The following PPHLN1 variants were observed in gnomAD, a reference collection of about 807,000 sequenced individuals.
PPHLN1 encodes the protein periphilin 1.
A neutral mutation model predicts 51.3 loss-of-function variants in PPHLN1; 29 were observed. The ratio of observed to expected loss-of-function variants is 0.57; its 90% CI spans 0.42 to 0.77. The LOEUF is 0.77. Ranked by LOEUF, PPHLN1 falls within the 30% of genes least tolerant of loss-of-function variation. The pLI is 0.00. For missense variants in PPHLN1, 436 were observed against 438.4 expected (o/e 0.99, Z 0.05); for synonymous variants, 147 against 147.8 (o/e 0.99, Z 0.04).
chr12:42,379,229 C>A (rs926472399), intron 5 of PPHLN1, among the ~76,000 whole-genome samples: 4 of 152,012 alleles, frequency 2.6e-5, no homozygotes, highest in African/African-American at 9.6e-5. Flanking sequence ...CAGTCTCCCA[C>A]ACCCATTTTT....
intron 9 of PPHLN1, among the ~76,000 whole-genome samples, chr12:42,415,016 A>G (rs1349475002): frequency 1.3e-5 from 2 of 152,192 alleles, no homozygotes; most frequent in Admixed American, 1.3e-4. Context: ...TCGTGGTAGC[A>G]GGTTCCCTTG....
At chr12:42,413,491 A>G (rs115717087) in intron 9 of PPHLN1, among the ~76,000 whole-genome samples, 1,944 of 150,298 alleles carry the variant, frequency 0.013, 40 homozygotes, top group African/African-American at 0.044. Flanking sequence ...ATTTTATACC[A>G]GTACCATGCT....
At chr12:42,329,294 A>G (rs1020753246) in intron 1 of PPHLN1, among the ~76,000 whole-genome samples, 1 of 151,694 alleles carries the variant, frequency 6.6e-6, no homozygotes, top group Admixed American at 6.6e-5. Context: ...TTTAGTAGAG[A>G]TGGGGTTTCA....
At chr12:42,437,601 TAC>T (rs1242567892) in intron 9 of PPHLN1, among the ~76,000 whole-genome samples, 1 of 152,216 alleles carries the variant, frequency 6.6e-6, no homozygotes, top group Non-Finnish European at 1.5e-5. Context: ...CCGTTCTCCC[TAC>T]ACAGTTTCCC....
At chr12:42,377,141 T>A (rs1001212299) in intron 5 of PPHLN1, among the ~76,000 whole-genome samples, 1 of 151,944 alleles carries the variant, frequency 6.6e-6, no homozygotes, top group East Asian at 1.9e-4. Context: ...TGTTACTGTT[T>A]GTGTCTTTTA....
intron 9 of PPHLN1, among the ~76,000 whole-genome samples, chr12:42,435,582 C>T (rs184225427): frequency 9.8e-5 from 15 of 152,308 alleles, no homozygotes; most frequent in Admixed American, 7.2e-4. Context: ...AATGTGTTAT[C>T]GCTTTTTTCC....
chr12:42,443,617 A>C (rs1593067128), downstream of PPHLN1: 1 of 152,244 alleles, frequency 6.6e-6, no homozygotes, highest in African/African-American at 2.4e-5. Context: ...CCAGTAAATT[A>C]GTTGAGCAAT....
chr12:42,438,312 C>T (rs773200713), intron 9 of PPHLN1, among the ~76,000 whole-genome samples: 1 of 152,088 alleles, frequency 6.6e-6, no homozygotes, highest in Non-Finnish European at 1.5e-5. Flanking sequence ...TTCTGTGGCT[C>T]TACATTTTTG....
chr12:42,433,032 G>A (rs1044529453), intron 9 of PPHLN1: 3 of 980,592 alleles, frequency 3.1e-6, no homozygotes, highest in Non-Finnish European at 5.0e-6. Context: ...ATATCCTCAG[G>A]AAAATCCACT....
In PPHLN1 at chr12:42,442,024, A is replaced by C; in HGVS notation, c.*515A>C. Reference sequence around the variant, plus strand: ...TAGAGCACTTAAATCTCTGAGAGATACCTCAGAAAAAAATCCGTTTTTCCA... The same window carrying C: ...TAGAGCACTTAAATCTCTGAGAGATCCCTCAGAAAAAAATCCGTTTTTCCA... On this transcript the variant is annotated 3_prime_UTR_variant, in exon 10 of 10. Coordinates refer to ENST00000358314, the MANE Select transcript of PPHLN1 (RefSeq NM_201439.2). 3 of 943,482 alleles carry C rather than the reference A, an allele frequency of 3.2e-6. No homozygotes were observed. The highest frequency in any genetic ancestry group is 3.8e-6 in the Non-Finnish European group (3 of 791,696). 58.4% of individuals were successfully genotyped at this position (943,482 alleles called of 1,614,324 possible). A position where few individuals can be genotyped will look rare whatever the true frequency, so the allele number is the denominator to read the frequency against.
intron 9 of PPHLN1, among the ~76,000 whole-genome samples, chr12:42,419,046 AAAAATAAAATTT>A (rs2080740080): frequency 6.6e-6 from 1 of 152,222 alleles, no homozygotes; most frequent in African/African-American, 2.4e-5. Flanking sequence ...TTTGTCAGTT[AAAAATAAAATTT>A]AAAATAAAAA....
At chr12:42,342,804 A>G (rs988467857) in intron 2 of PPHLN1, among the ~76,000 whole-genome samples, 5 of 152,258 alleles carry the variant, frequency 3.3e-5, no homozygotes, top group African/African-American at 1.2e-4. Context: ...CAAGAACAGC[A>G]ACACGTTATT....
intron 7 of PPHLN1, among the ~76,000 whole-genome samples, chr12:42,393,137 T>A (rs1592680255): frequency 6.6e-6 from 1 of 152,234 alleles, no homozygotes; most frequent in African/African-American, 2.4e-5. Flanking sequence ...TAACTCACTG[T>A]ACACTGTAAT....
intron 4 of PPHLN1, among the ~76,000 whole-genome samples, chr12:42,368,936 A>T (rs1258658624): frequency 1.3e-5 from 2 of 152,220 alleles, no homozygotes; most frequent in Non-Finnish European, 2.9e-5. Context: ...TTCTTCTTTA[A>T]TAAATTGTGC....
chr12:42,394,315 C>T (rs1565924395), intron 8 of PPHLN1, among the ~76,000 whole-genome samples: 1 of 152,038 alleles, frequency 6.6e-6, no homozygotes, highest in Non-Finnish European at 1.5e-5. Flanking sequence ...CACAATTAAG[C>T]TTTTAGATTC....
Position 42,408,329 on chromosome 12 carries a change from C to T in PPHLN1, c.909+9335C>T, listed in dbSNP as rs565808974. Among the ~76,000 whole-genome samples, 243 of 150,468 alleles carry T rather than the reference C, an allele frequency of 1.6e-3. 1 individual carries two copies. Among genetic ancestry groups the T allele is most frequent in the Non-Finnish European group, 2.7e-3 (182 of 67,798 alleles). ...TTTGAGACCAACCTGACCAACGTGG[C>T]AAAACCCTGTCTGTACTAAAAAAAT... On this transcript the variant is annotated intron_variant, in intron 9 of 9. Transcript: ENST00000358314.
At chr12:42,417,261 G>C (rs1484248511) in intron 9 of PPHLN1, among the ~76,000 whole-genome samples, 1 of 152,200 alleles carries the variant, frequency 6.6e-6, no homozygotes, top group Admixed American at 6.5e-5. Context: ...AGCAAGAGGG[G>C]CTATCAGTAG....
intron 9 of PPHLN1, among the ~76,000 whole-genome samples, chr12:42,401,256 C>T (rs1158063351): frequency 2.6e-5 from 4 of 152,020 alleles, no homozygotes; most frequent in Admixed American, 1.3e-4. Context: ...CAAAAACTTG[C>T]CATCTGTAGA....
At chr12:42,374,808 G>C (rs2076110568) in intron 4 of PPHLN1, 55 bp from the exon 5 acceptor site, 27 of 1,391,226 alleles carry the variant, frequency 1.9e-5, no homozygotes, top group Non-Finnish European at 2.6e-5. Flanking sequence ...CATTGTGCTT[G>C]TATATAGAGG....
Sources: allele counts gnomAD v4.1 joint callset (sites outside exome capture counted in the v4.1 genomes callset), GRCh38; gene constraint gnomAD v4.1.1; transcripts MANE v1.5; gene names NCBI Gene and HGNC (gene_info 2026-07-23, HGNC 2026-07-21).